Variants in RNLS observed in about 807,000 individuals in gnomAD.
RNLS encodes renalase.
RNLS carries 39 observed loss-of-function variants against 39.8 expected under a neutral mutation model. That is an observed-to-expected ratio of 0.98 (90% confidence interval 0.76 to 1.28). RNLS has a LOEUF of 1.28. Among genes scored for constraint, RNLS ranks in the 50% most tolerant of loss-of-function variants. The pLI, the probability that RNLS is intolerant of heterozygous loss-of-function variation, is 0.00. For missense variants in RNLS, 410 were observed against 413.3 expected (o/e 0.99, Z 0.07); for synonymous variants, 147 against 150.7 (o/e 0.98, Z 0.18).
At chr10:88,370,260 C>T (rs530634661) in intron 4 of RNLS, among the ~76,000 whole-genome samples, 1 of 152,172 alleles carries the variant, frequency 6.6e-6, no homozygotes, top group South Asian at 2.1e-4. Flanking sequence ...TTTCTCTTCA[C>T]ATTATACTGA....
chr10:88,381,506 A>G (rs1851493310), intron 4 of RNLS, among the ~76,000 whole-genome samples: 1 of 151,726 alleles, frequency 6.6e-6, no homozygotes, highest in Non-Finnish European at 1.5e-5. Flanking sequence ...TACATATTAA[A>G]AGTATTTTTT....
At chr10:88,198,848 G>A in the RNLS span, among the ~76,000 whole-genome samples, 24 of 152,246 alleles carry the variant, frequency 1.6e-4, no homozygotes, top group South Asian at 3.1e-3. Flanking sequence ...AGCTCTTACA[G>A]CAGTGCAAGA....
chr10:88,540,990 C>A (rs1479782890), intron 4 of RNLS, among the ~76,000 whole-genome samples: 88 of 131,856 alleles, frequency 6.7e-4, no homozygotes, highest in South Asian at 7.1e-4. Flanking sequence ...TCCTTACTGC[C>A]AAAAAAAAAA....
At chr10:88,434,262 A>G (rs1276852947) in intron 4 of RNLS, among the ~76,000 whole-genome samples, 1 of 152,190 alleles carries the variant, frequency 6.6e-6, no homozygotes, top group African/African-American at 2.4e-5. Flanking sequence ...AGGTTTTGCC[A>G]CTTGCAATCT....
At chr10:88,500,365 A>C (rs2134104186) in intron 4 of RNLS, among the ~76,000 whole-genome samples, 1 of 152,246 alleles carries the variant, frequency 6.6e-6, no homozygotes, top group East Asian at 1.9e-4. Context: ...AAATGAACTT[A>C]TCTGCATTTG....
At chr10:88,510,714 C>T (rs750342535) in intron 4 of RNLS, among the ~76,000 whole-genome samples, 9 of 151,504 alleles carry the variant, frequency 5.9e-5, no homozygotes, top group South Asian at 2.1e-4. Context: ...CATGGTGGTG[C>T]GCGCCTGTAA....
chr10:88,280,497 CT>C (rs1842972095), downstream of RNLS, among the ~76,000 whole-genome samples: 1 of 152,148 alleles, frequency 6.6e-6, no homozygotes, highest in Admixed American at 6.5e-5. Context: ...CCTTGGACCC[CT>C]GAGTGTCTAC....
chr10:88,212,444 T>C, the RNLS span, among the ~76,000 whole-genome samples: 4 of 152,236 alleles, frequency 2.6e-5, no homozygotes, highest in Admixed American at 2.6e-4. Flanking sequence ...CTCTTCCAGG[T>C]CTTATTTTAA....
chr10:88,347,915 GAAGA>G (rs1848416572), intron 5 of RNLS, among the ~76,000 whole-genome samples: 1 of 152,012 alleles, frequency 6.6e-6, no homozygotes, highest in Non-Finnish European at 1.5e-5. Flanking sequence ...ATGCTCCCCA[GAAGA>G]AAGAATAATC....
intron 4 of RNLS, among the ~76,000 whole-genome samples, chr10:88,438,563 T>A (rs1308366781): frequency 6.6e-6 from 1 of 152,214 alleles, no homozygotes; most frequent in African/African-American, 2.4e-5. Flanking sequence ...ATCTTGGTAA[T>A]AGAGTAGGCT....
intron 4 of RNLS, among the ~76,000 whole-genome samples, chr10:88,364,151 A>C (rs557921766): frequency 6.6e-6 from 1 of 152,272 alleles, no homozygotes; most frequent in Admixed American, 6.5e-5. Context: ...GTTTCAGAGA[A>C]GGTCATAGTT....
intron 4 of RNLS, among the ~76,000 whole-genome samples, chr10:88,537,397 T>C (rs1847815635): frequency 6.6e-6 from 1 of 152,122 alleles, no homozygotes; most frequent in African/African-American, 2.4e-5. Context: ...ACATGAGAAA[T>C]GTACAAGAAT....
intron 4 of RNLS, among the ~76,000 whole-genome samples, chr10:88,436,147 A>T (rs1038959496): frequency 1.3e-5 from 2 of 152,122 alleles, no homozygotes; most frequent in African/African-American, 4.8e-5. Context: ...GGGAAAGTAA[A>T]GAGTAATCCC....
chr10:88,295,864 TAA>T (rs1303264492), intron 6 of RNLS, among the ~76,000 whole-genome samples: 4 of 152,202 alleles, frequency 2.6e-5, no homozygotes, highest in African/African-American at 9.6e-5. Flanking sequence ...TTCTATCTTT[TAA>T]AACCCTGAAA....
the RNLS span, among the ~76,000 whole-genome samples, chr10:88,267,953 C>A: frequency 6.6e-6 from 1 of 152,108 alleles, no homozygotes; most frequent in South Asian, 2.1e-4. Flanking sequence ...AATTCTACAG[C>A]CTTATAGGGG....
intron 4 of RNLS, among the ~76,000 whole-genome samples, chr10:88,468,939 G>C (rs984449110): frequency 6.6e-6 from 1 of 152,048 alleles, no homozygotes; most frequent in Non-Finnish European, 1.5e-5. Context: ...GTTAAATAAA[G>C]TATGGTCCAT....
rs1327182164 is a variant in RNLS at position 88,583,107 on chromosome 10, C to A, written c.84G>T (p.Leu28Phe). The A allele has an allele frequency of 5.0e-6, 8 of 1,614,024 alleles. No homozygotes were observed. Among genetic ancestry groups the A allele is most frequent in the Non-Finnish European group, 6.8e-6 (8 of 1,179,980 alleles). ...CAGCCTTGTCCCACACAGCAAGGTA[C>A]AAGGGACCGGACGTCTGCCTCCTCA... ...ALLRRQTSGP[L>F]YLAVWDKAED... The change falls in exon 1 of 7, where the codon TTG (leucine) becomes TTT (phenylalanine). Residue 28 changes from leucine to phenylalanine, a missense_variant. Physicochemically the swap from Leu to Phe is conservative, Grantham distance 22. Transcript: ENST00000331772.
intron 4 of RNLS, among the ~76,000 whole-genome samples, chr10:88,502,117 C>T (rs1162961623): frequency 1.3e-5 from 2 of 152,042 alleles, no homozygotes; most frequent in East Asian, 3.9e-4. Flanking sequence ...GTCCATCTAT[C>T]ACTGAAATCA....
the RNLS span, among the ~76,000 whole-genome samples, chr10:88,192,913 A>C: frequency 6.6e-5 from 10 of 152,246 alleles, no homozygotes; most frequent in African/African-American, 2.2e-4. Context: ...GAAGCAGTTT[A>C]AAATAAGTGT....
Sources: gnomAD v4.1 joint callset for allele counts (sites outside exome capture counted in the v4.1 genomes callset) on GRCh38, gnomAD v4.1.1 for gene constraint, MANE v1.5 for transcripts, NCBI Gene and HGNC (gene_info 2026-07-23, HGNC 2026-07-21) for gene names.